Variants in SNTG1 observed in about 807,000 individuals in gnomAD.
SNTG1 encodes gamma-1-syntrophin.
SNTG1 carries 39 observed loss-of-function variants against 74.7 expected under a neutral mutation model. That is an observed-to-expected ratio of 0.52 (90% CI 0.40 to 0.68). The LOEUF (loss-of-function observed/expected upper bound fraction) is 0.68, where lower values mean the gene tolerates loss of function less well. Ranked by LOEUF, SNTG1 falls within the 30% of genes least tolerant of loss-of-function variation. The pLI, the probability that SNTG1 is intolerant of heterozygous loss-of-function variation, is 0.00. For missense variants in SNTG1, 685 were observed against 609.5 expected, an observed-to-expected ratio of 1.12 and a Z score of -1.30; for synonymous variants, 254 against 217.1, an observed-to-expected ratio of 1.17 and a Z score of -1.49.
intron 8 of SNTG1, among the ~76,000 whole-genome samples, chr8:50,459,513 A>T (rs1463223338): frequency 6.6e-6 from 1 of 152,146 alleles, no homozygotes; most frequent in Non-Finnish European, 1.5e-5. Context: ...GCAAAATGAT[A>T]TACATTTTTT....
chr8:50,293,436 G>A (rs1343262741), intron 2 of SNTG1, among the ~76,000 whole-genome samples: 1 of 145,900 alleles, frequency 6.9e-6, no homozygotes, highest in African/African-American at 2.5e-5. Context: ...TTTAGACTGA[G>A]TCTTGCTCTG....
intron 15 of SNTG1, among the ~76,000 whole-genome samples, chr8:50,695,909 A>G (rs2095403156): frequency 6.6e-6 from 1 of 151,790 alleles, no homozygotes; most frequent in African/African-American, 2.4e-5. Flanking sequence ...GCTATTTTGA[A>G]TAGTGCTGTG....
At chr8:49,936,285 T>C (rs980613254) in intron 1 of SNTG1, among the ~76,000 whole-genome samples, 2 of 152,062 alleles carry the variant, frequency 1.3e-5, no homozygotes, top group Non-Finnish European at 2.9e-5. Flanking sequence ...ACATTTTCCT[T>C]TTTTTTAATG....
intron 2 of SNTG1, among the ~76,000 whole-genome samples, chr8:50,177,267 C>T (rs895206322): frequency 6.6e-6 from 1 of 152,140 alleles, no homozygotes; most frequent in African/African-American, 2.4e-5. Flanking sequence ...GTGTGGGGCC[C>T]TCTTGTTCAT....
chr8:49,985,458 T>C (rs545428069), intron 1 of SNTG1, among the ~76,000 whole-genome samples: 1 of 152,352 alleles, frequency 6.6e-6, no homozygotes, highest in African/African-American at 2.4e-5. Context: ...TTAAAATCAA[T>C]ATTGAAATCA....
Position 50,320,082 on chromosome 8 carries a change from T to C in SNTG1, c.-27-74130T>C, listed in dbSNP as rs564431141. On this transcript the variant is annotated intron_variant, in intron 2 of 18. Coordinates refer to ENST00000642720, the MANE Select transcript of SNTG1 (RefSeq NM_018967.5). Reference sequence around the variant, plus strand: ...GTGTTTCAGAACAGTTTGAGTAGGATTGGTGTTAGTCGTTCTTTCAATGTT... The same window carrying C: ...GTGTTTCAGAACAGTTTGAGTAGGACTGGTGTTAGTCGTTCTTTCAATGTT... Among the ~76,000 whole-genome samples the C allele has an allele frequency of 9.2e-5, 14 of 152,242 alleles. No individual in the cohort carries two copies. The South Asian group carries it at 1.0e-3, about 11-fold the overall frequency.
At chr8:49,936,121 A>G (rs972142846) in intron 1 of SNTG1, among the ~76,000 whole-genome samples, 1 of 152,192 alleles carries the variant, frequency 6.6e-6, no homozygotes, top group African/African-American at 2.4e-5. Context: ...TGAGTTTCCA[A>G]TATGCAAAGA....
chr8:50,119,879 C>T (rs2080940027), intron 1 of SNTG1, among the ~76,000 whole-genome samples: 1 of 142,008 alleles, frequency 7.0e-6, no homozygotes, highest in Non-Finnish European at 1.6e-5. Context: ...AAGTGCAATA[C>T]TCAGGATATG....
At chr8:50,324,894 T>G (rs1421238854) in intron 2 of SNTG1, among the ~76,000 whole-genome samples, 1 of 149,292 alleles carries the variant, frequency 6.7e-6, no homozygotes, top group Admixed American at 6.7e-5. Flanking sequence ...TACATTTAGG[T>G]GTATGATCCC....
intron 13 of SNTG1, among the ~76,000 whole-genome samples, chr8:50,616,094 A>T (rs2094883884): frequency 6.6e-6 from 1 of 152,202 alleles, no homozygotes; most frequent in African/African-American, 2.4e-5. Flanking sequence ...CTGCCACATT[A>T]TTAAGAGTAA....
At chr8:50,346,189 C>T (rs537939009) in intron 2 of SNTG1, among the ~76,000 whole-genome samples, 33 of 152,330 alleles carry the variant, frequency 2.2e-4, no homozygotes, top group African/African-American at 7.2e-4. Flanking sequence ...TTTGTGACAA[C>T]AGTGCATCAA....
intron 4 of SNTG1, among the ~76,000 whole-genome samples, chr8:50,402,767 G>C (rs1342877054): frequency 6.6e-6 from 1 of 152,168 alleles, no homozygotes; most frequent in Non-Finnish European, 1.5e-5. Context: ...TTAGGCAGCG[G>C]TCACTGAACT....
chr8:50,023,565 A>G (rs2130697360), intron 1 of SNTG1, among the ~76,000 whole-genome samples: 1 of 152,266 alleles, frequency 6.6e-6, no homozygotes, highest in East Asian at 1.9e-4. Flanking sequence ...ATGTATGCAA[A>G]TATGAGTTTC....
intron 15 of SNTG1, among the ~76,000 whole-genome samples, chr8:50,673,628 A>G (rs1393553046): frequency 3.3e-5 from 5 of 152,122 alleles, no homozygotes; most frequent in Admixed American, 2.6e-4. Context: ...GCAAAAAGAG[A>G]CAATTTGACT....
chr8:50,686,284 T>A (rs1213354799), intron 15 of SNTG1, among the ~76,000 whole-genome samples: 3 of 152,190 alleles, frequency 2.0e-5, no homozygotes, highest in Non-Finnish European at 4.4e-5. Flanking sequence ...AAGCTGAATG[T>A]CTCCAAAACT....
intron 2 of SNTG1, among the ~76,000 whole-genome samples, chr8:50,351,103 C>A (rs1231233684): frequency 6.6e-6 from 1 of 152,212 alleles, no homozygotes; most frequent in Non-Finnish European, 1.5e-5. Context: ...TCCGGACACA[C>A]CCTTACATGG....
intron 2 of SNTG1, among the ~76,000 whole-genome samples, chr8:50,227,969 C>T (rs13276532): frequency 6.9e-6 from 1 of 145,586 alleles, no homozygotes; most frequent in Non-Finnish European, 1.5e-5. Context: ...AAAACACAGT[C>T]TGAAGAGACA....
intron 4 of SNTG1, among the ~76,000 whole-genome samples, chr8:50,421,459 G>A (rs1242491190): frequency 6.6e-6 from 1 of 152,032 alleles, no homozygotes; most frequent in Non-Finnish European, 1.5e-5. Flanking sequence ...AACACCAGAG[G>A]CCACTCGTCA....
At chr8:50,647,720 G>A (rs1195206014) in intron 13 of SNTG1, among the ~76,000 whole-genome samples, 1 of 152,100 alleles carries the variant, frequency 6.6e-6, no homozygotes, top group African/African-American at 2.4e-5. Flanking sequence ...GGCATGTTTT[G>A]TGATAATGAT....
Sources: gnomAD v4.1 joint callset for allele counts (sites outside exome capture counted in the v4.1 genomes callset) on GRCh38, gnomAD v4.1.1 for gene constraint, MANE v1.5 for transcripts, NCBI Gene and HGNC (gene_info 2026-07-23, HGNC 2026-07-21) for gene names.